TECRL: variants seen among roughly 807,000 people sequenced by gnomAD.
TECRL encodes trans-2,3-enoyl-CoA reductase-like.
TECRL carries 63 observed loss-of-function variants against 52.8 expected under a neutral mutation model. The observed-to-expected ratio is 1.19, with a 90% CI of 0.97 to 1.47. The LOEUF is 1.47. TECRL is among the 40% of genes most tolerant of loss of function. TECRL has a pLI of 0.00. For synonymous variants in TECRL, 164 were observed against 141.9 expected (o/e 1.16, Z -1.10); for missense variants, 482 against 429.6 (o/e 1.12, Z -1.08).
intron 8 of TECRL, among the ~76,000 whole-genome samples, chr4:64,293,021 A>G (rs1281573283): frequency 1.3e-5 from 2 of 150,424 alleles, no homozygotes; most frequent in African/African-American, 5.0e-5. Context: ...TACTTATATC[A>G]TATAATCTTT....
In TECRL at chr4:64,280,130, A is replaced by G; in HGVS notation, c.1034T>C (p.Leu345Pro). Reference protein sequence around the residue: ...LWAQKKHKIYLRKFNSYIHRK... With the variant: ...LWAQKKHKIYPRKFNSYIHRK... ...ATGAATATATGAATTGAATTTTCTC[A>G]GATAAATCTTATGTTTCTTTTGTGC... is the stretch of plus-strand genomic sequence containing the variant. Residue 345 changes from leucine to proline, a missense_variant, in exon 12 of 12, where the codon CTG becomes CCG. Transcript: ENST00000381210. 6.2e-7 allele frequency: 1 copy of G among 1,604,418 alleles called. No individual in the cohort carries two copies. The highest frequency in any genetic ancestry group is 8.5e-7 in the Non-Finnish European group (1 of 1,175,852).
intron 3 of TECRL, among the ~76,000 whole-genome samples, chr4:64,327,627 G>A (rs1718349415): frequency 6.6e-6 from 1 of 152,012 alleles, no homozygotes; most frequent in Non-Finnish European, 1.5e-5. Flanking sequence ...GAAAAGTGTG[G>A]CTCCTAGAAA....
At chr4:64,375,077 A>G (rs1431723235) in intron 2 of TECRL, 95 bp downstream of exon 2, 5 of 499,970 alleles carry the variant, frequency 1.0e-5, no homozygotes, top group African/African-American at 2.0e-5. Flanking sequence ...TATGGTTTTC[A>G]TACACTCTAA....
chr4:64,285,327 G>C (rs1723027405), intron 9 of TECRL, among the ~76,000 whole-genome samples: 1 of 151,970 alleles, frequency 6.6e-6, no homozygotes, highest in Admixed American at 6.6e-5. Context: ...GTCCATTCTT[G>C]TGACTACATC....
At chr4:64,374,659 G>A (rs566964029) in intron 2 of TECRL, among the ~76,000 whole-genome samples, 1 of 152,056 alleles carries the variant, frequency 6.6e-6, no homozygotes, top group Non-Finnish European at 1.5e-5. Context: ...AGAACATGCG[G>A]TGTTTGGTTT....
chr4:64,369,287 C>G (rs1017642998), intron 2 of TECRL, among the ~76,000 whole-genome samples: 6 of 152,002 alleles, frequency 3.9e-5, no homozygotes, highest in African/African-American at 1.4e-4. Context: ...CAATTTTAAG[C>G]CATATTTTCA....
intron 2 of TECRL, among the ~76,000 whole-genome samples, chr4:64,333,487 G>A (rs1293934599): frequency 6.6e-6 from 1 of 152,000 alleles, no homozygotes; most frequent in Non-Finnish European, 1.5e-5. Flanking sequence ...GCATGCATAT[G>A]GATAATTCTA....
intron 2 of TECRL, among the ~76,000 whole-genome samples, chr4:64,366,799 G>A (rs186084968): frequency 6.6e-6 from 1 of 152,202 alleles, no homozygotes; most frequent in Admixed American, 6.6e-5. Context: ...CACTATTGGT[G>A]GTGGTGTAAA....
At chr4:64,389,761 T>A (rs1723422422) in intron 1 of TECRL, among the ~76,000 whole-genome samples, 1 of 151,888 alleles carries the variant, frequency 6.6e-6, no homozygotes, top group Non-Finnish European at 1.5e-5. Flanking sequence ...TAATTATTGA[T>A]TCAATTTTTA....
At chr4:64,370,404 G>A (rs982142529) in intron 2 of TECRL, among the ~76,000 whole-genome samples, 10 of 151,778 alleles carry the variant, frequency 6.6e-5, no homozygotes, top group African/African-American at 1.2e-4. Flanking sequence ...GATAAGCACA[G>A]GAGGCTAATA....
chr4:64,288,114 A>C (rs2109941493), intron 9 of TECRL, among the ~76,000 whole-genome samples: 1 of 151,830 alleles, frequency 6.6e-6, no homozygotes, highest in East Asian at 1.9e-4. Flanking sequence ...ACACCACTGC[A>C]CTCCAGCCTG....
intron 7 of TECRL, 35 bp downstream of exon 7, chr4:64,305,131 T>C (rs1266248217): frequency 5.3e-6 from 8 of 1,505,756 alleles, no homozygotes; most frequent in Middle Eastern, 1.8e-4. Flanking sequence ...GTTGGTCCTT[T>C]AGTATACGGT....
At chr4:64,379,441 T>G (rs1722628983) in intron 1 of TECRL, among the ~76,000 whole-genome samples, 1 of 152,182 alleles carries the variant, frequency 6.6e-6, no homozygotes, top group Admixed American at 6.6e-5. Context: ...GTATTTAGAA[T>G]ATCCATCACC....
chr4:64,338,453 G>T (rs1468202639), intron 2 of TECRL, among the ~76,000 whole-genome samples: 2 of 152,114 alleles, frequency 1.3e-5, no homozygotes, highest in Non-Finnish European at 2.9e-5. Flanking sequence ...AAACTCAAGA[G>T]CTTCTGCACA....
intron 1 of TECRL, among the ~76,000 whole-genome samples, chr4:64,390,367 C>A (rs1438070798): frequency 1.3e-5 from 2 of 151,828 alleles, no homozygotes; most frequent in African/African-American, 2.4e-5. Flanking sequence ...CAAAGTGGAG[C>A]ATGATCATGT....
In TECRL at chr4:64,407,704, T is replaced by C. The variant is rs192770428; in HGVS notation, c.234+1414A>G. Among the ~76,000 whole-genome samples, 3 of 151,932 alleles carry C rather than the reference T, an allele frequency of 2.0e-5. No homozygotes were observed. In the East Asian group the frequency reaches 5.8e-4, roughly 29 times the overall value. Reference sequence around the variant, plus strand: ...GTGTCCTTGAATTTAACTGTGTTTTTTCTTGTAAGATTTGTGTTTTTCATA... The same window carrying C: ...GTGTCCTTGAATTTAACTGTGTTTTCTCTTGTAAGATTTGTGTTTTTCATA... On this transcript the variant is annotated intron_variant, in intron 1 of 11. Transcript: ENST00000381210.
At chr4:64,366,487 T>A (rs571353488) in intron 2 of TECRL, among the ~76,000 whole-genome samples, 1 of 152,192 alleles carries the variant, frequency 6.6e-6, no homozygotes, top group East Asian at 1.9e-4. Flanking sequence ...ACCTACAGAA[T>A]GGGAGAAAAT....
At chr4:64,324,116 C>A (rs1718089922) in intron 3 of TECRL, among the ~76,000 whole-genome samples, 1 of 151,978 alleles carries the variant, frequency 6.6e-6, no homozygotes, top group Non-Finnish European at 1.5e-5. Flanking sequence ...CTTAAAGGAG[C>A]TACTCATAAG....
At chr4:64,306,740 A>G (rs1253541910) in intron 6 of TECRL, among the ~76,000 whole-genome samples, 7 of 152,160 alleles carry the variant, frequency 4.6e-5, no homozygotes, top group Admixed American at 4.6e-4. Context: ...CTCTCCATCT[A>G]GGCTGCTTCT....
Sources: gnomAD v4.1 joint callset for allele counts (sites outside exome capture counted in the v4.1 genomes callset) on GRCh38, gnomAD v4.1.1 for gene constraint, MANE v1.5 for transcripts, NCBI Gene and HGNC (gene_info 2026-07-23, HGNC 2026-07-21) for gene names.